ZNF318: variants seen among roughly 807,000 people sequenced by gnomAD.
ZNF318 encodes endocrine regulator.
ZNF318 carries 51 observed loss-of-function variants against 124.2 expected under a neutral mutation model. The observed-to-expected ratio is 0.41, with a 90% CI of 0.33 to 0.52. ZNF318 has a LOEUF of 0.52. ZNF318 is among the 20% of genes least tolerant of loss of function. The pLI, the probability that ZNF318 is intolerant of heterozygous loss-of-function variation, is 0.23. For synonymous variants in ZNF318, 1,090 were observed against 1,040.7 expected (o/e 1.05, Z -0.91); for missense variants, 2,815 against 2,811.2 (o/e 1.00, Z -0.03).
intron 6 of ZNF318, among the ~76,000 whole-genome samples, chr6:43,344,428 CA>C (rs1325710103): frequency 6.6e-6 from 1 of 151,962 alleles, no homozygotes; most frequent in Non-Finnish European, 1.5e-5. Flanking sequence ...GCAACCAAAA[CA>C]ACAAAAAATA....
chr6:43,339,684 T>C lies in ZNF318; in HGVS notation c.4314A>G (p.Glu1438=), dbSNP rs748809442. ...GTGGTGGAGGAGGTGGTAGTATTTGTTCAGGTAAATGAGATGGCTCACTCT... is the reference window on the plus strand; with the variant it reads ...GTGGTGGAGGAGGTGGTAGTATTTGCTCAGGTAAATGAGATGGCTCACTCT... The part of the protein sequence containing the change: ...AEKSEPSHLP[E]QILPPPPPPP... The change falls in exon 10 of 10, where the codon GAA becomes GAG. Residue 1438 remains glutamate (E), a synonymous_variant. Transcript: ENST00000361428. The surrounding 1 kb of genome is among the most constrained non-coding windows in gnomAD (Gnocchi z 4.2). 6.2e-7 allele frequency: 1 copy of C among 1,613,712 alleles called. No homozygotes were observed. The highest frequency in any genetic ancestry group is 8.5e-7 in the Non-Finnish European group (1 of 1,180,000).
chr6:43,348,911 G>A (rs1392874503), intron 5 of ZNF318, among the ~76,000 whole-genome samples: 1 of 152,134 alleles, frequency 6.6e-6, no homozygotes, highest in East Asian at 1.9e-4. Flanking sequence ...GTGGGCGCCT[G>A]TAATTCTATT....
rs909993398 is a variant in ZNF318 at position 43,357,759 on chromosome 6, G to A, written c.555C>T (p.Asp185=). The change falls in exon 3 of 10, where the codon GAC becomes GAT. Residue 185 remains aspartate (D), a synonymous_variant. Coordinates refer to ENST00000361428, the MANE Select transcript of ZNF318 (RefSeq NM_014345.3). ...VDNLEDMDRD[D]LTDDSVFTRS... ...GAGTGAAGACAGAATCATCAGTCAG[G>A]TCATCCCTGAGGAAAAAGAGAAGCA... is the stretch of plus-strand genomic sequence containing the variant. 4 of 1,590,426 alleles carry A rather than the reference G, an allele frequency of 2.5e-6. No individual in the cohort carries two copies. The highest frequency in any genetic ancestry group is 3.4e-6 in the Non-Finnish European group (4 of 1,175,698).
rs186982404 is a variant in ZNF318, at chr6:43,343,253, C to A, written c.3073-374G>T. On this transcript the variant is annotated intron_variant, in intron 6 of 9. Transcript: ENST00000361428. ...CCTTTAGTAAATGTTGAATATGTTACCTATGCAACTAAACAGTTAAATTTG... is the reference window on the plus strand; with the variant it reads ...CCTTTAGTAAATGTTGAATATGTTAACTATGCAACTAAACAGTTAAATTTG... Among the ~76,000 whole-genome samples the A allele has an allele frequency of 1.6e-3, 242 of 152,188 alleles. 2 individuals carry two copies. Among genetic ancestry groups the A allele is most frequent in the Middle Eastern group, 6.8e-3 (2 of 294 alleles).
intron 1 of ZNF318, 182 bp downstream of exon 1, chr6:43,368,785 C>A (rs947004800): frequency 5.1e-6 from 5 of 985,224 alleles, no homozygotes; most frequent in Non-Finnish European, 6.0e-6. Flanking sequence ...GCTCCCGAGT[C>A]CGTTATTGTG....
chr6:43,345,603 G>A (rs183987193), intron 6 of ZNF318, among the ~76,000 whole-genome samples: 18 of 152,152 alleles, frequency 1.2e-4, no homozygotes, highest in African/African-American at 4.3e-4. Flanking sequence ...TCCCATCAAA[G>A]GCCCTACCTA....
At chr6:43,343,039 T>C (rs1779392381) in intron 6 of ZNF318, among the ~76,000 whole-genome samples, 160 bp from the exon 7 acceptor site, 1 of 152,182 alleles carries the variant, frequency 6.6e-6, no homozygotes, top group South Asian at 2.1e-4. Flanking sequence ...CAGAAACATG[T>C]CTCTAAGACA....
intron 2 of ZNF318, chr6:43,364,331 GAAAAAA>G (rs34131739): frequency 7.4e-5 from 11 of 148,262 alleles, no homozygotes; most frequent in East Asian, 5.3e-4. Context: ...AATTAAGCCT[GAAAAAA>G]AAAAAAAAAA....
At position 43,355,665 on chromosome 6, in the gene ZNF318, T is replaced by C; in HGVS notation, c.1669A>G (p.Ser557Gly). ...TGCCTCATAACTTCACTCTCAGAGCTCCCAAGGGGCTTTGGTACGGATTCT... is the reference window on the plus strand; with the variant it reads ...TGCCTCATAACTTCACTCTCAGAGCCCCCAAGGGGCTTTGGTACGGATTCT... ...KAESVPKPLG[S>G]SESEVMRQKA... The change falls in exon 4 of 10, where the codon AGC becomes GGC. Residue 557 changes from serine to glycine, a missense_variant. Ser to Gly is a moderately conservative substitution (Grantham distance 56). This residue lies in a region of ZNF318 where 1,377 missense variants were observed against 1,353.5 expected (regional missense o/e 1.02). Coordinates refer to ENST00000361428, the MANE Select transcript of ZNF318 (RefSeq NM_014345.3). 6.2e-7 allele frequency: 1 copy of C among 1,614,174 alleles called. No individual in the cohort carries two copies. The highest frequency in any genetic ancestry group is 8.5e-7 in the Non-Finnish European group (1 of 1,180,032).
Position 43,336,653 on chromosome 6 carries a change from C to G in ZNF318, c.*505G>C, listed in dbSNP as rs1403132609. On this transcript the variant is annotated 3_prime_UTR_variant, in exon 10 of 10. Coordinates refer to ENST00000361428, the MANE Select transcript of ZNF318 (RefSeq NM_014345.3). ...AAGGCAGGCCCATCCAAATGGAAGC[C>G]TAAGAGATGAACAATTCTTCCAAGT... 2 of 152,568 alleles carry G rather than the reference C, an allele frequency of 1.3e-5. No homozygotes were observed. The highest frequency in any genetic ancestry group is 6.6e-5 in the Admixed American group (1 of 15,262). 9.5% of individuals were successfully genotyped at this position (152,568 alleles called of 1,614,324 possible).
intron 2 of ZNF318, chr6:43,363,632 A>T: frequency 2.1e-6 from 1 of 477,526 alleles, no homozygotes; most frequent in Non-Finnish European, 3.7e-6. Context: ...TTGGTTAAGG[A>T]CATAAAGATC....
chr6:43,357,220 T>C lies in ZNF318; in HGVS notation c.1094A>G (p.Tyr365Cys). ...SGVLTASEPGYSLHRPEEVSV... is the reference protein window; with the variant it reads ...SGVLTASEPGCSLHRPEEVSV... ...TACTTCCTCAGGCCGATGCAAAGAA[T>C]ATCCTGGCTCCGATGCTGTTAGGAC... is the stretch of plus-strand genomic sequence containing the variant. Residue 365 changes from tyrosine to cysteine, a missense_variant, in exon 3 of 10, where the codon TAT (tyrosine) becomes TGT (cysteine). This residue lies in a region of ZNF318 where 1,377 missense variants were observed against 1,353.5 expected (regional missense o/e 1.02). Coordinates refer to ENST00000361428, the MANE Select transcript of ZNF318 (RefSeq NM_014345.3). The C allele has an allele frequency of 6.2e-7, 1 of 1,614,196 alleles. No homozygotes were observed. The highest frequency in any genetic ancestry group is 1.3e-5 in the African/African-American group (1 of 75,040).
At position 43,336,392 on chromosome 6, in the gene ZNF318, CA is replaced by C. The variant is rs1779279560; in HGVS notation, c.*765del. 3 of 152,424 alleles carry C rather than the reference CA, an allele frequency of 2.0e-5. No individual in the cohort carries two copies. The highest frequency in any genetic ancestry group is 2.9e-5 in the Non-Finnish European group (2 of 68,030). 9.4% of individuals were successfully genotyped at this position (152,424 alleles called of 1,614,324 possible). ...GCCATTTCAAAAATAAAAGTGATCT[CA>C]AAAGCATATCTGCTCCTGGCAATGA... On this transcript the variant is annotated 3_prime_UTR_variant, in exon 10 of 10. Coordinates refer to ENST00000361428, the MANE Select transcript of ZNF318 (RefSeq NM_014345.3).
chr6:43,351,824 A>G (rs1224691348), intron 5 of ZNF318, among the ~76,000 whole-genome samples: 1 of 151,952 alleles, frequency 6.6e-6, no homozygotes, highest in Non-Finnish European at 1.5e-5. Context: ...GAGAGAGAAA[A>G]AGATAGAGCA....
rs756445143 is a variant in ZNF318 at position 43,357,607 on chromosome 6, T to C, written c.707A>G (p.Tyr236Cys). ...ATCATGACAACTGATATGGGGACTA[T>C]AATCAGATCGATGCAGGAAAGTTTC... ...TKETFLHRSD[Y>C]SPHISCHDEL... Residue 236 changes from tyrosine (Y) to cysteine (C), a missense_variant, in exon 3 of 10, where the codon TAT (tyrosine) becomes TGT (cysteine). Tyr to Cys is a radical substitution (Grantham distance 194). Around this residue, in one of 4 missense-constraint regions of ZNF318, gnomAD observed 1,377 missense variants for 1,353.5 expected, o/e 1.02. Transcript: ENST00000361428. 131 of 1,614,080 alleles carry C rather than the reference T, an allele frequency of 8.1e-5. No individual in the cohort carries two copies. The highest frequency in any genetic ancestry group is 1.0e-4 in the Non-Finnish European group (121 of 1,180,054).
chr6:43,341,185 C>A (rs1379467569), intron 8 of ZNF318, among the ~76,000 whole-genome samples: 1 of 152,134 alleles, frequency 6.6e-6, no homozygotes, highest in East Asian at 1.9e-4. Context: ...TGCTGAGTCT[C>A]CTCAAACCCT....
chr6:43,343,387 C>T (rs1277810890), intron 6 of ZNF318, among the ~76,000 whole-genome samples: 1 of 152,020 alleles, frequency 6.6e-6, no homozygotes, highest in Non-Finnish European at 1.5e-5. Context: ...TCACATGCAT[C>T]CTGGTATGAA....
Position 43,368,984 on chromosome 6 carries a change from C to T in ZNF318, c.382G>A (p.Gly128Ser). 2 of 1,433,710 alleles carry T rather than the reference C, an allele frequency of 1.4e-6. No homozygotes were observed. The highest frequency in any genetic ancestry group is 6.0e-5 in the East Asian group (2 of 33,070). The allele number at this position is 1,433,710 out of a possible 1,614,324, so 88.8% of individuals were successfully genotyped here. A position where few individuals can be genotyped will look rare whatever the true frequency, so the allele number is the denominator to read the frequency against. ...YARDGRGDHP[G>S]DSGSRRRSPG... ...GGGATTACCCGGCTGCCGCTGTCGCCTGGATGGTCTCCGCGGCCGTCCCGG... is the reference window on the plus strand; with the variant it reads ...GGGATTACCCGGCTGCCGCTGTCGCTTGGATGGTCTCCGCGGCCGTCCCGG... Residue 128 changes from glycine to serine, a missense_variant, in exon 1 of 10, where the codon GGC becomes AGC. Coordinates refer to ENST00000361428, the MANE Select transcript of ZNF318 (RefSeq NM_014345.3).
chr6:43,342,609 G>A (rs1242198148), intron 7 of ZNF318, 67 bp downstream of exon 7: 1 of 1,518,724 alleles, frequency 6.6e-7, no homozygotes, highest in East Asian at 2.3e-5. Flanking sequence ...TTGCAATGCA[G>A]ATAGGGGTAT....
Sources: allele counts gnomAD v4.1 joint callset (sites outside exome capture counted in the v4.1 genomes callset), GRCh38; gene constraint gnomAD v4.1.1; regional missense constraint gnomAD v4.1.1; non-coding constraint Gnocchi (gnomAD v3.1); transcripts MANE v1.5; gene names NCBI Gene and HGNC (gene_info 2026-07-23, HGNC 2026-07-21).